The following NCAM2 variants were observed in gnomAD, a reference collection of about 807,000 sequenced individuals.
The protein encoded by NCAM2 is neural cell adhesion molecule 2.
NCAM2 carries 30 observed loss-of-function variants against 98.1 expected under a neutral mutation model. That is an observed-to-expected ratio of 0.31 (90% CI 0.23 to 0.41). The LOEUF is 0.41. Among genes scored for constraint, NCAM2 ranks in the 10% least tolerant of loss-of-function variants. The pLI is 1.00. For missense variants in NCAM2, 867 were observed against 1,005.8 expected (o/e 0.86, Z 1.87); for synonymous variants, 368 against 342.4 (o/e 1.07, Z -0.83).
chr21:21,362,627 G>A (rs1055810596), intron 8 of NCAM2, among the ~76,000 whole-genome samples: 1 of 152,132 alleles, frequency 6.6e-6, no homozygotes, highest in Non-Finnish European at 1.5e-5. Context: ...CTAGGGCATT[G>A]CAAACTCTTC....
intron 1 of NCAM2, among the ~76,000 whole-genome samples, chr21:21,022,672 C>T (rs2064461970): frequency 6.6e-6 from 1 of 152,132 alleles, no homozygotes; most frequent in South Asian, 2.1e-4. Flanking sequence ...ATTATTTTAA[C>T]ATAATTTCAT....
At chr21:21,470,507 C>A (rs946799836) in intron 14 of NCAM2, among the ~76,000 whole-genome samples, 2 of 151,988 alleles carry the variant, frequency 1.3e-5, no homozygotes, top group African/African-American at 4.8e-5. Context: ...GTTGATACGG[C>A]TTACTGATAA....
At chr21:21,015,737 C>T (rs1399511453) in intron 1 of NCAM2, among the ~76,000 whole-genome samples, 1 of 152,112 alleles carries the variant, frequency 6.6e-6, no homozygotes, top group African/African-American at 2.4e-5. Flanking sequence ...AAGTCTCGCT[C>T]TTGTCCCCCA....
chr21:21,473,373 A>ATATATAT (rs1984715057), intron 14 of NCAM2, among the ~76,000 whole-genome samples: 1 of 140,502 alleles, frequency 7.1e-6, no homozygotes, highest in African/African-American at 2.6e-5. Context: ...TATATGTATA[A>ATATATAT]ATATATATAT....
At chr21:21,036,518 ATATT>A (rs1273884830) in intron 1 of NCAM2, among the ~76,000 whole-genome samples, 1 of 152,226 alleles carries the variant, frequency 6.6e-6, no homozygotes, top group Non-Finnish European at 1.5e-5. Context: ...AAAACCATAC[ATATT>A]TATTAATATG....
rs933900283 is a variant in NCAM2 at position 21,407,729 on chromosome 21, G to A, written c.1196-2545G>A. Among the ~76,000 whole-genome samples, 10 of 152,020 alleles carry A rather than the reference G, an allele frequency of 6.6e-5. No homozygotes were observed. The East Asian group carries it at 7.7e-4, about 12-fold the overall frequency. On this transcript the variant is annotated intron_variant, in intron 9 of 17. Transcript: ENST00000400546. ...TAAATTTAAAGATATAGATATAGAC[G>A]TATGAATTTCTTGTTGGATTGAGTT...
At chr21:21,093,242 C>T (rs2066049967) in intron 1 of NCAM2, among the ~76,000 whole-genome samples, 3 of 151,986 alleles carry the variant, frequency 2.0e-5, no homozygotes, top group Admixed American at 2.0e-4. Context: ...GTCTCTTCAC[C>T]CTTTTCTGCC....
At chr21:21,264,105 G>T (rs1420131644) in intron 1 of NCAM2, among the ~76,000 whole-genome samples, 1 of 152,002 alleles carries the variant, frequency 6.6e-6, no homozygotes, top group South Asian at 2.1e-4. Context: ...TCTGACAAAG[G>T]ATTGATACCC....
intron 1 of NCAM2, among the ~76,000 whole-genome samples, chr21:21,161,354 A>G (rs2067776556): frequency 6.6e-6 from 1 of 151,952 alleles, no homozygotes; most frequent in South Asian, 2.1e-4. Context: ...TTTATTTATT[A>G]TTTCATGTAT....
At chr21:21,397,010 A>T (rs1033493347) in intron 9 of NCAM2, among the ~76,000 whole-genome samples, 3 of 152,182 alleles carry the variant, frequency 2.0e-5, no homozygotes, top group Admixed American at 2.0e-4. Context: ...AGAATGAGGT[A>T]TGCAGACAAG....
At chr21:21,076,892 G>A (rs2065691989) in intron 1 of NCAM2, among the ~76,000 whole-genome samples, 1 of 152,134 alleles carries the variant, frequency 6.6e-6, no homozygotes, top group Admixed American at 6.5e-5. Context: ...AGAATTGGAG[G>A]ACTGTCCTTT....
chr21:21,163,072 C>G (rs139348061), intron 1 of NCAM2, among the ~76,000 whole-genome samples: 2 of 152,230 alleles, frequency 1.3e-5, no homozygotes, highest in East Asian at 3.9e-4. Flanking sequence ...TTTCTAAATA[C>G]TAATGTTGAA....
chr21:21,409,042 A>G (rs1219599131), intron 9 of NCAM2, among the ~76,000 whole-genome samples: 1 of 148,654 alleles, frequency 6.7e-6, no homozygotes, highest in Non-Finnish European at 1.5e-5. Context: ...TTGATGTGAT[A>G]TTAAGTTCTA....
intron 14 of NCAM2, among the ~76,000 whole-genome samples, chr21:21,473,982 A>G (rs991571101): frequency 6.6e-6 from 1 of 151,944 alleles, no homozygotes; most frequent in African/African-American, 2.4e-5. Flanking sequence ...CTGCCCTTCA[A>G]CATTTAATTG....
intron 9 of NCAM2, among the ~76,000 whole-genome samples, chr21:21,378,482 A>C (rs2076082034): frequency 6.6e-6 from 1 of 152,092 alleles, no homozygotes; most frequent in Non-Finnish European, 1.5e-5. Flanking sequence ...CTTTTGAGAA[A>C]TATCAATTAA....
intron 1 of NCAM2, among the ~76,000 whole-genome samples, chr21:21,112,851 A>G (rs2066482118): frequency 6.6e-6 from 1 of 152,180 alleles, no homozygotes; most frequent in Non-Finnish European, 1.5e-5. Flanking sequence ...GTAAAAGCAT[A>G]TCTTTGAGGC....
At chr21:21,178,951 A>G (rs78885420) in intron 1 of NCAM2, among the ~76,000 whole-genome samples, 2,003 of 152,170 alleles carry the variant, frequency 0.013, 46 homozygotes, top group African/African-American at 0.046. Flanking sequence ...CTACCTTACA[A>G]GTCCATGAAT....
chr21:21,259,978 A>T (rs1384059278), intron 1 of NCAM2, among the ~76,000 whole-genome samples: 1 of 150,656 alleles, frequency 6.6e-6, no homozygotes, highest in Non-Finnish European at 1.5e-5. Flanking sequence ...AGGATTCAGG[A>T]TGTGAAAGAC....
intron 1 of NCAM2, among the ~76,000 whole-genome samples, chr21:21,191,688 G>A (rs1398661599): frequency 3.3e-5 from 5 of 152,038 alleles, no homozygotes; most frequent in South Asian, 2.1e-4. Context: ...GCTTGTTTTC[G>A]TTAATTTTAA....
Sources: allele counts gnomAD v4.1 joint callset (sites outside exome capture counted in the v4.1 genomes callset), GRCh38; gene constraint gnomAD v4.1.1; transcripts MANE v1.5; gene names NCBI Gene and HGNC (gene_info 2026-07-23, HGNC 2026-07-21).